Variants in RNF19B observed in about 807,000 individuals in gnomAD.
The protein encoded by RNF19B is E3 ubiquitin-protein ligase RNF19B.
Under a neutral mutation model 65.5 loss-of-function variants are expected in RNF19B, and 23 were observed. The ratio of observed to expected loss-of-function variants is 0.35; its 90% CI spans 0.25 to 0.50. The LOEUF is 0.50. Ranked by LOEUF, RNF19B falls within the 20% of genes least tolerant of loss-of-function variation. RNF19B has a pLI of 0.98. For synonymous variants in RNF19B, 372 were observed against 379.6 expected (o/e 0.98, Z 0.23); for missense variants, 794 against 980.0 (o/e 0.81, Z 2.53).
At chr1:32,956,883 T>C (rs992715658) in intron 1 of RNF19B, among the ~76,000 whole-genome samples, 2 of 152,206 alleles carry the variant, frequency 1.3e-5, no homozygotes, top group East Asian at 3.8e-4. Context: ...AGACCCCTAG[T>C]AGGCATCAGG....
chr1:32,937,675 C>T (rs141833691), intron 8 of RNF19B, among the ~76,000 whole-genome samples: 1 of 152,186 alleles, frequency 6.6e-6, no homozygotes, highest in African/African-American at 2.4e-5. Context: ...TGTCACTGCA[C>T]TCCAGCCTGG....
intron 1 of RNF19B, among the ~76,000 whole-genome samples, chr1:32,950,533 A>G (rs1230880051): frequency 2.0e-5 from 3 of 152,088 alleles, no homozygotes; most frequent in African/African-American, 4.8e-5. Context: ...GGCAAAAACT[A>G]AAGTTTATTT....
chr1:32,945,279 T>C (rs1277216713), intron 5 of RNF19B, among the ~76,000 whole-genome samples: 1 of 152,206 alleles, frequency 6.6e-6, no homozygotes, highest in Non-Finnish European at 1.5e-5. Flanking sequence ...ATTCAACCTT[T>C]TCTATGTGCC....
Position 32,936,507 on chromosome 1 carries a change from A to C in RNF19B, c.*299T>G, listed in dbSNP as rs932788045. 1 of 251,344 alleles carries C rather than the reference A, an allele frequency of 4.0e-6. No homozygotes were observed. The allele number at this position is 251,344 out of a possible 1,614,324, so 15.6% of individuals were successfully genotyped here. A position where few individuals can be genotyped will look rare whatever the true frequency, so the allele number is the denominator to read the frequency against. On this transcript the variant is annotated 3_prime_UTR_variant, in exon 9 of 9. Transcript: ENST00000235150. The stretch of plus-strand genomic sequence containing the variant: ...TCTTTCAGTAATATGTTTAGCATTC[A>C]ATATACACACATACATATGTACACT...
Position 32,942,360 on chromosome 1 carries a change from C to T in RNF19B, c.1502G>A (p.Gly501Glu). The change falls in exon 7 of 9, where the codon GGA becomes GAA. Residue 501 changes from glycine to glutamate, a missense_variant. Gly to Glu is a moderately conservative substitution (Grantham distance 98). Coordinates refer to ENST00000235150, the MANE Select transcript of RNF19B (RefSeq NM_001300826.2). ...VLSTSGSPTD[G>E]LSVMQGPYSE... ...GTAAGGACCTTGCATAACACTAAGT[C>T]CATCTGTAGGGCTTCCACTAGTGCT... The T allele has an allele frequency of 1.2e-6, 2 of 1,614,190 alleles. No individual in the cohort carries two copies. Among genetic ancestry groups the T allele is most frequent in the Non-Finnish European group, 1.7e-6 (2 of 1,180,040 alleles).
intron 1 of RNF19B, among the ~76,000 whole-genome samples, chr1:32,958,480 G>GTTA (rs1642693887): frequency 1.3e-5 from 2 of 152,184 alleles, no homozygotes; most frequent in Non-Finnish European, 2.9e-5. Flanking sequence ...ACTTTGGGAG[G>GTTA]CTGAGATGGG....
chr1:32,931,047 C>T, the RNF19B span, among the ~76,000 whole-genome samples: 1 of 151,734 alleles, frequency 6.6e-6, no homozygotes, highest in South Asian at 2.1e-4. Flanking sequence ...GAGATTGCGC[C>T]TCTGCACTCC....
rs1642438854 is a variant in RNF19B at position 32,949,476 on chromosome 1, A to G, written c.841+93T>C. 3.0e-6 allele frequency: 3 copies of G among 1,013,060 alleles called. No individual in the cohort carries two copies. The African/African-American group carries it at 4.8e-5, about 16-fold the overall frequency. 62.8% of individuals were successfully genotyped at this position (1,013,060 alleles called of 1,614,324 possible). On this transcript the variant is annotated intron_variant, in intron 2 of 8. Coordinates refer to ENST00000235150, the MANE Select transcript of RNF19B (RefSeq NM_001300826.2). ...TTTCTGCTCTCTGATCCTTTGGAGT[A>G]CTTGGGTTATACAATAAGATAATTT... is the stretch of plus-strand genomic sequence containing the variant.
intron 8 of RNF19B, 30 bp downstream of exon 8, chr1:32,938,367 C>T: frequency 6.2e-7 from 1 of 1,613,812 alleles, no homozygotes; most frequent in Non-Finnish European, 8.5e-7. Context: ...AAAAATGCAA[C>T]CTCTCCTGGA....
Position 32,964,544 on chromosome 1 carries a change from C to G in RNF19B, c.142G>C (p.Ala48Pro). ...VFSASARGRR[A>P]RAKPQAEPPP... ...GGCTCGGCCTGCGGCTTGGCCCGGGCGCGGCGGCCGCGGGCCGAGGCAGAG... is the reference window on the plus strand; with the variant it reads ...GGCTCGGCCTGCGGCTTGGCCCGGGGGCGGCGGCCGCGGGCCGAGGCAGAG... The change falls in exon 1 of 9, where the codon GCC becomes CCC. Residue 48 changes from alanine (A) to proline (P), a missense_variant. Ala to Pro is a conservative substitution (Grantham distance 27). Coordinates refer to ENST00000235150, the MANE Select transcript of RNF19B (RefSeq NM_001300826.2). This position sits in a 1 kb window ranked among gnomAD's most constrained non-coding sequence, Gnocchi z 6.5. 8.3e-7 allele frequency: 1 copy of G among 1,202,486 alleles called. No homozygotes were observed. The allele number at this position is 1,202,486 out of a possible 1,614,324, so 74.5% of individuals were successfully genotyped here.
rs1570096795 is a variant in RNF19B at position 32,946,661 on chromosome 1, G to A, written c.984-97C>T. 3 of 1,076,926 alleles carry A rather than the reference G, an allele frequency of 2.8e-6. No individual in the cohort carries two copies. In the East Asian group the frequency reaches 7.7e-5, roughly 28 times the overall value. 66.7% of individuals were successfully genotyped at this position (1,076,926 alleles called of 1,614,324 possible). On this transcript the variant is annotated intron_variant, in intron 3 of 8. Transcript: ENST00000235150. Reference sequence around the variant, plus strand: ...CAGCAACAGCCTTCTTTTCAGTAAGGATTAACAGAAGAGTTTATGGGAAAT... The same window carrying A: ...CAGCAACAGCCTTCTTTTCAGTAAGAATTAACAGAAGAGTTTATGGGAAAT...
intron 7 of RNF19B, among the ~76,000 whole-genome samples, chr1:32,938,995 T>C (rs1446309676): frequency 6.6e-6 from 1 of 152,076 alleles, no homozygotes; most frequent in Non-Finnish European, 1.5e-5. Flanking sequence ...CTGAATTCTT[T>C]CTTTCTTTAA....
chr1:32,960,462 G>A (rs1642743509), intron 1 of RNF19B, among the ~76,000 whole-genome samples: 1 of 152,152 alleles, frequency 6.6e-6, no homozygotes, highest in African/African-American at 2.4e-5. Context: ...AGAATAGAAC[G>A]ATTTGTTTAA....
At chr1:32,960,868 C>T (rs1642753879) in intron 1 of RNF19B, among the ~76,000 whole-genome samples, 1 of 151,924 alleles carries the variant, frequency 6.6e-6, no homozygotes, top group African/African-American at 2.4e-5. Flanking sequence ...TAATAATTAG[C>T]TGGGCTTGGT....
intron 6 of RNF19B, 127 bp from the exon 7 acceptor site, chr1:32,942,586 C>G: frequency 1.5e-6 from 1 of 676,632 alleles, no homozygotes; most frequent in East Asian, 2.8e-5. Flanking sequence ...TGTGCAGTCG[C>G]CACATATCAG....
chr1:32,957,779 A>T (rs1358752694), intron 1 of RNF19B, among the ~76,000 whole-genome samples: 4 of 152,212 alleles, frequency 2.6e-5, no homozygotes, highest in Non-Finnish European at 5.9e-5. Context: ...GGTTGCAGTG[A>T]GCTGAGATGG....
chr1:32,960,795 G>A (rs939149486), intron 1 of RNF19B, among the ~76,000 whole-genome samples: 16 of 152,034 alleles, frequency 1.1e-4, no homozygotes, highest in African/African-American at 2.4e-4. Context: ...CCAGGAGTTC[G>A]AGACCAGCCT....
At chr1:32,933,711 C>T (rs1185082114), downstream of RNF19B, among the ~76,000 whole-genome samples, 1 of 152,098 alleles carries the variant, frequency 6.6e-6, no homozygotes, top group East Asian at 1.9e-4. Context: ...TATATGATAT[C>T]TAAAATCTCC....
intron 1 of RNF19B, among the ~76,000 whole-genome samples, chr1:32,963,484 G>A (rs774416215): frequency 2.6e-5 from 4 of 152,166 alleles, no homozygotes; most frequent in Non-Finnish European, 4.4e-5. Context: ...GGGAGGCCGA[G>A]GCAGGAGGAT....
Sources: allele counts gnomAD v4.1 joint callset (sites outside exome capture counted in the v4.1 genomes callset), GRCh38; gene constraint gnomAD v4.1.1; non-coding constraint Gnocchi (gnomAD v3.1); transcripts MANE v1.5; gene names NCBI Gene and HGNC (gene_info 2026-07-23, HGNC 2026-07-21).